The following PDE4DIP variants were observed in gnomAD, a reference collection of about 807,000 sequenced individuals.
The protein encoded by PDE4DIP is phosphodiesterase 4D interacting protein, also known as myomegalin.
In PDE4DIP, 59 loss-of-function variants were observed where a neutral mutation model predicts 221.4. That is an observed-to-expected ratio of 0.27 (90% confidence interval 0.22 to 0.33). PDE4DIP has a LOEUF of 0.33. Among genes scored for constraint, PDE4DIP ranks in the 10% least tolerant of loss-of-function variants. The pLI, the probability that PDE4DIP is intolerant of heterozygous loss-of-function variation, is 1.00. For missense variants in PDE4DIP, 1,036 were observed against 2,154.2 expected, an observed-to-expected ratio of 0.48 and a Z score of 10.28; for synonymous variants, 404 against 815.9, an observed-to-expected ratio of 0.50 and a Z score of 8.60.
At chr1:148,963,841 CCT>C (rs1232381427) in intron 9 of PDE4DIP, among the ~76,000 whole-genome samples, 1 of 141,092 alleles carries the variant, frequency 7.1e-6, no homozygotes, top group East Asian at 2.1e-4. Flanking sequence ...GCAAGCTCCG[CCT>C]CTCGGGTTCA....
intron 35 of PDE4DIP, 55 bp from the exon 39 acceptor site, chr1:149,020,092 T>G: frequency 2.2e-6 from 1 of 461,560 alleles, no homozygotes; most frequent in Admixed American, 3.9e-5. Context: ...GGGGTCATCT[T>G]CCAGCTGAGC....
intron 21 of PDE4DIP, chr1:148,986,194 C>CT (rs2061880533): frequency 6.6e-6 from 1 of 152,118 alleles, no homozygotes; most frequent in African/African-American, 2.4e-5. Flanking sequence ...GAGTGAAACT[C>CT]TGTCTTAAAT....
chr1:148,933,038 C>T (rs1263979945), intron 4 of PDE4DIP, among the ~76,000 whole-genome samples: 1 of 151,994 alleles, frequency 6.6e-6, no homozygotes, highest in Non-Finnish European at 1.5e-5. Context: ...CTAGGACTTC[C>T]CAGCCTCCAA....
At chr1:149,028,897 A>G (rs1170952213) in intron 41 of PDE4DIP, among the ~76,000 whole-genome samples, 194 bp downstream of exon 44, 2 of 152,034 alleles carry the variant, frequency 1.3e-5, no homozygotes, top group African/African-American at 2.4e-5. Flanking sequence ...AGCTCTGAAT[A>G]TATCCCATTC....
At position 148,844,348 on chromosome 1, in the gene PDE4DIP, C is replaced by T. The variant is rs1429433705; in HGVS notation, c.234-18902C>T. On this transcript the variant is annotated intron_variant, in intron 1 of 45. Transcript: ENST00000524974. ...GGGCGTGTAACCTGGGCCGATTCTG[C>T]CCCAGCACACTGGTTGTCGGGAGCC... 1.5e-5 allele frequency: 11 copies of T among 719,992 alleles called. 2 individuals carry two copies. The highest frequency in any genetic ancestry group is 1.9e-5 in the Non-Finnish European group (11 of 567,672). 44.6% of individuals were successfully genotyped at this position (719,992 alleles called of 1,614,324 possible).
intron 33 of PDE4DIP, 66 bp downstream of exon 36, chr1:149,016,616 A>G (rs1328069699): frequency 3.5e-6 from 2 of 572,798 alleles, no homozygotes; most frequent in East Asian, 5.7e-5. Flanking sequence ...CTCTTTTCCT[A>G]CCCAGGCAGG....
chr1:148,990,445 T>G (rs2062801681), intron 21 of PDE4DIP: 1 of 584,296 alleles, frequency 1.7e-6, no homozygotes, highest in Non-Finnish European at 2.2e-6. Context: ...AGCAGAGCCT[T>G]TCATGCCTGG....
At chr1:148,894,245 AGAG>A (rs1480577660) in intron 1 of PDE4DIP, among the ~76,000 whole-genome samples, 2 of 80,382 alleles carry the variant, frequency 2.5e-5, no homozygotes, top group African/African-American at 9.7e-5. Context: ...TTAAATTATA[AGAG>A]GAGTTGTCAA....
chr1:148,963,290 A>G (rs587736053), intron 9 of PDE4DIP, among the ~76,000 whole-genome samples: 5 of 152,332 alleles, frequency 3.3e-5, no homozygotes, highest in African/African-American at 1.2e-4. Flanking sequence ...CACAGGCTTC[A>G]GTGCTATCTG....
intron 20 of PDE4DIP, 104 bp from the exon 24 acceptor site, chr1:148,981,166 A>G: frequency 9.9e-7 from 1 of 1,009,584 alleles, no homozygotes; most frequent in Non-Finnish European, 1.5e-6. Flanking sequence ...TACTTTACAA[A>G]GTCGTGTGGC....
chr1:148,916,832 G>C (rs1438603211), intron 1 of PDE4DIP, among the ~76,000 whole-genome samples: 1 of 151,658 alleles, frequency 6.6e-6, no homozygotes, highest in Non-Finnish European at 1.5e-5. Flanking sequence ...AAACATTTAT[G>C]TGAGAAGTTA....
Position 148,961,554 on chromosome 1 carries a change from C to T in PDE4DIP, c.769-283C>T, listed in dbSNP as rs587597060. ...GGGATCCATATTAGAAACCACTTGCCTACTTGGTCCATGTGGACAAGTTCC... is the reference window on the plus strand; with the variant it reads ...GGGATCCATATTAGAAACCACTTGCTTACTTGGTCCATGTGGACAAGTTCC... On this transcript the variant is annotated intron_variant, in intron 6 of 43. Transcript: ENST00000369354. 3.9e-5 allele frequency among the ~76,000 whole-genome samples: 6 copies of T among 152,290 alleles called. No individual in the cohort carries two copies. In the East Asian group the frequency reaches 1.2e-3, roughly 29 times the overall value.
chr1:148,998,149 A>G (rs1553568030), exon 23 of PDE4DIP: 1 of 1,094,002 alleles, frequency 9.1e-7, no homozygotes, highest in Non-Finnish European at 1.4e-6. Context: ...TTAGCTTGTC[A>G]AGGTGGCTTT....
intron 23 of PDE4DIP, among the ~76,000 whole-genome samples, chr1:148,999,338 G>A (rs924670): frequency 2.0e-5 from 3 of 152,180 alleles, no homozygotes; most frequent in South Asian, 4.1e-4. Context: ...ATGCCCTGTT[G>A]TTTCCCTGCA....
At chr1:148,922,821 C>G (rs9424641) in intron 1 of PDE4DIP, among the ~76,000 whole-genome samples, 1 of 150,386 alleles carries the variant, frequency 6.6e-6, no homozygotes, top group Non-Finnish European at 1.5e-5. Flanking sequence ...TTCCTGACCT[C>G]GTGATCCGCC....
chr1:148,965,400 T>G, intron 9 of PDE4DIP, 84 bp from the exon 13 acceptor site: 2 of 815,758 alleles, frequency 2.5e-6, no homozygotes, highest in Non-Finnish European at 4.0e-6. Context: ...TCAGTTTATA[T>G]ACCTTGAAAA....
intron 29 of PDE4DIP, among the ~76,000 whole-genome samples, chr1:149,008,874 A>G (rs2067720989): frequency 6.8e-6 from 1 of 147,842 alleles, no homozygotes; most frequent in African/African-American, 2.5e-5. Flanking sequence ...GAAAAAAGGA[A>G]TCATATAACA....
intron 33 of PDE4DIP, among the ~76,000 whole-genome samples, 181 bp downstream of exon 36, chr1:149,016,731 C>T (rs1368468102): frequency 9.9e-5 from 15 of 151,804 alleles, no homozygotes; most frequent in African/African-American, 3.6e-4. Flanking sequence ...TTCTCCTGCC[C>T]AGGGCCTCAG....
chr1:148,989,160 C>A, intron 21 of PDE4DIP: 1 of 316,626 alleles, frequency 3.2e-6, no homozygotes, highest in Non-Finnish European at 6.0e-6. Context: ...TCTTTTATTC[C>A]CATATTTTCT....
Sources: gnomAD v4.1 joint callset for allele counts (sites outside exome capture counted in the v4.1 genomes callset) on GRCh38, gnomAD v4.1.1 for gene constraint, MANE v1.5 for transcripts, NCBI Gene and HGNC (gene_info 2026-07-23, HGNC 2026-07-21) for gene names.